Variants in NRXN1 observed in about 807,000 individuals in gnomAD.
NRXN1 encodes neurexin 1.
A neutral mutation model predicts 150.9 loss-of-function variants in NRXN1; 39 were observed. The ratio of observed to expected loss-of-function variants is 0.26; its 90% CI spans 0.20 to 0.34. NRXN1 has a LOEUF of 0.34. Among genes scored for constraint, NRXN1 ranks in the 10% least tolerant of loss-of-function variants. The pLI is 1.00. For synonymous variants in NRXN1, 924 were observed against 757.0 expected (o/e 1.22, Z -3.62); for missense variants, 1,815 against 1,949.9 (o/e 0.93, Z 1.30).
intron 2 of NRXN1, among the ~76,000 whole-genome samples, chr2:51,019,645 C>G (rs1436994375): frequency 6.6e-6 from 1 of 152,054 alleles, no homozygotes; most frequent in Admixed American, 6.6e-5. Flanking sequence ...TGAACTCTTA[C>G]AAAATACTCA....
At chr2:50,116,526 C>G (rs927059195) in intron 18 of NRXN1, among the ~76,000 whole-genome samples, 1 of 152,036 alleles carries the variant, frequency 6.6e-6, no homozygotes, top group African/African-American at 2.4e-5. Context: ...GGTCAGCTCT[C>G]TGCTTAAAAA....
intron 17 of NRXN1, among the ~76,000 whole-genome samples, chr2:50,272,490 A>G (rs1051266498): frequency 6.6e-6 from 1 of 152,170 alleles, no homozygotes; most frequent in African/African-American, 2.4e-5. Flanking sequence ...AATACCAAAA[A>G]TTTTTCCAAG....
intron 5 of NRXN1, among the ~76,000 whole-genome samples, chr2:50,898,920 A>C (rs1168907256): frequency 6.6e-6 from 1 of 151,812 alleles, no homozygotes; most frequent in Non-Finnish European, 1.5e-5. Context: ...TATTCTGGAA[A>C]GCAAATTCAG....
At chr2:50,304,047 G>A (rs976138948) in intron 17 of NRXN1, among the ~76,000 whole-genome samples, 11 of 152,080 alleles carry the variant, frequency 7.2e-5, no homozygotes, top group Middle Eastern at 6.3e-3. Context: ...ACCCCAATTA[G>A]CTGAAAGTCT....
chr2:50,735,223 AT>A lies in NRXN1; in HGVS notation c.833-111609del, dbSNP rs146871457. On this transcript the variant is annotated intron_variant, in intron 5 of 22. Coordinates refer to ENST00000401669, the MANE Select transcript of NRXN1 (RefSeq NM_001330078.2). ...ATTTGTCTCTCTGGATACCTTTATA[AT>A]TTTTTTTTAATTTCACCAAATCAAT... 9.4e-4 allele frequency among the ~76,000 whole-genome samples: 143 copies of A among 151,642 alleles called. 1 individual carries two copies. The South Asian group carries it at 0.028, about 30-fold the overall frequency.
At chr2:50,407,287 AC>A (rs2082815901) in intron 17 of NRXN1, among the ~76,000 whole-genome samples, 1 of 152,138 alleles carries the variant, frequency 6.6e-6, no homozygotes, top group African/African-American at 2.4e-5. Flanking sequence ...GGTTTTATAA[AC>A]TACCCTTCTT....
chr2:49,968,418 C>A (rs567392529), intron 21 of NRXN1, among the ~76,000 whole-genome samples: 5 of 152,118 alleles, frequency 3.3e-5, no homozygotes, highest in African/African-American at 9.6e-5. Context: ...TTTCATAAAG[C>A]ATGAAACCGG....
At chr2:50,993,985 C>T (rs983008419) in intron 2 of NRXN1, among the ~76,000 whole-genome samples, 1 of 151,990 alleles carries the variant, frequency 6.6e-6, no homozygotes, top group African/African-American at 2.4e-5. Context: ...ACACTCACTT[C>T]CATTCCCAAA....
At chr2:50,600,915 G>A (rs1312360393) in intron 8 of NRXN1, among the ~76,000 whole-genome samples, 1 of 150,668 alleles carries the variant, frequency 6.6e-6, no homozygotes, top group Admixed American at 6.7e-5. Flanking sequence ...ATGGGAAAAT[G>A]CCTTTCACAT....
At chr2:50,186,826 C>A (rs1404028600) in intron 18 of NRXN1, among the ~76,000 whole-genome samples, 1 of 151,972 alleles carries the variant, frequency 6.6e-6, no homozygotes, top group Non-Finnish European at 1.5e-5. Context: ...TATTAAGATA[C>A]ACAATCTTTT....
chr2:50,972,209 A>T (rs1695115060), intron 2 of NRXN1, among the ~76,000 whole-genome samples: 3 of 152,184 alleles, frequency 2.0e-5, no homozygotes. Context: ...CCATTTGGAA[A>T]GGTTCATACT....
At chr2:50,235,979 C>A (rs748100783) in intron 18 of NRXN1, among the ~76,000 whole-genome samples, 4 of 151,984 alleles carry the variant, frequency 2.6e-5, no homozygotes, top group Non-Finnish European at 5.9e-5. Flanking sequence ...AGACACTGTG[C>A]TTCTTTACAA....
intron 17 of NRXN1, among the ~76,000 whole-genome samples, chr2:50,449,748 G>A (rs569549191): frequency 6.6e-6 from 1 of 152,274 alleles, no homozygotes; most frequent in South Asian, 2.1e-4. Flanking sequence ...GTACATGTCA[G>A]GCATTTCCTC....
chr2:50,942,100 G>A (rs1388399662), intron 2 of NRXN1, among the ~76,000 whole-genome samples: 3 of 152,170 alleles, frequency 2.0e-5, no homozygotes, highest in Admixed American at 6.5e-5. Context: ...CACAGCACAG[G>A]CCATGGCTTC....
At chr2:50,453,073 C>T (rs1395856143) in intron 17 of NRXN1, among the ~76,000 whole-genome samples, 6 of 152,108 alleles carry the variant, frequency 3.9e-5, no homozygotes, top group African/African-American at 7.2e-5. Flanking sequence ...ATAAATGTTG[C>T]CATGATGTTC....
intron 17 of NRXN1, among the ~76,000 whole-genome samples, chr2:50,339,667 G>A (rs1441991018): frequency 2.0e-5 from 3 of 152,064 alleles, no homozygotes; most frequent in African/African-American, 7.2e-5. Context: ...TTAGTATAGT[G>A]GTTACTATTT....
At chr2:50,424,463 G>C (rs1465357471) in intron 17 of NRXN1, among the ~76,000 whole-genome samples, 1 of 152,040 alleles carries the variant, frequency 6.6e-6, no homozygotes, top group Non-Finnish European at 1.5e-5. Context: ...GAGACACTCT[G>C]CTTGTCTCTT....
chr2:50,959,307 T>G (rs1692773252), intron 2 of NRXN1, among the ~76,000 whole-genome samples: 1 of 152,048 alleles, frequency 6.6e-6, no homozygotes, highest in Non-Finnish European at 1.5e-5. Context: ...AACTTGCTTA[T>G]AAATGTTCAA....
At chr2:50,238,069 G>A (rs997846317) in intron 17 of NRXN1, among the ~76,000 whole-genome samples, 1 of 152,050 alleles carries the variant, frequency 6.6e-6, no homozygotes, top group Non-Finnish European at 1.5e-5. Context: ...AGAACTGTGA[G>A]TCAATTAAAC....
Sources: gnomAD v4.1 joint callset for allele counts (sites outside exome capture counted in the v4.1 genomes callset) on GRCh38, gnomAD v4.1.1 for gene constraint, MANE v1.5 for transcripts, NCBI Gene and HGNC (gene_info 2026-07-23, HGNC 2026-07-21) for gene names.